The following TGFB1 variants were observed in gnomAD, a reference collection of about 807,000 sequenced individuals.
TGFB1 encodes transforming growth factor beta 1.
A neutral mutation model predicts 43.8 loss-of-function variants in TGFB1; 19 were observed. That is an observed-to-expected ratio of 0.43 (90% confidence interval 0.30 to 0.64). The LOEUF (loss-of-function observed/expected upper bound fraction) is 0.64. Ranked by LOEUF, TGFB1 falls within the 30% of genes least tolerant of loss-of-function variation. The pLI, the probability that TGFB1 is intolerant of heterozygous loss-of-function variation, is 0.11. For missense variants in TGFB1, 445 were observed against 529.8 expected (o/e 0.84, Z 1.57); for synonymous variants, 221 against 236.3 (o/e 0.94, Z 0.60).
chr19:41,339,252 A>G (rs2123092793), intron 5 of TGFB1, among the ~76,000 whole-genome samples: 1 of 151,842 alleles, frequency 6.6e-6, no homozygotes, highest in East Asian at 2.0e-4. Context: ...AGTAGCTGGG[A>G]CTACAGGCAC....
At position 41,352,779 on chromosome 19, in the gene TGFB1, G is replaced by A. The variant is rs371589941; in HGVS notation, c.266C>T (p.Ala89Val). 10 of 1,610,622 alleles carry A rather than the reference G, an allele frequency of 6.2e-6. No individual in the cohort carries two copies. Among genetic ancestry groups the A allele is most frequent in the Admixed American group, 3.3e-5 (2 of 59,784 alleles). ...ALYNSTRDRV[A>V]GESAEPEPEP... The stretch of plus-strand genomic sequence containing the variant: ...GGGCTCCGGTTCTGCACTCTCCCCG[G>A]CCACCCGGTCGCGGGTGCTGTTGTA... The change falls in exon 1 of 7, where the codon GCC becomes GTC. Residue 89 changes from alanine to valine, a missense_variant. Ala to Val is a moderately conservative substitution (Grantham distance 64). This residue lies in a region of TGFB1 where 366 missense variants were observed against 428.8 expected (regional missense o/e 0.85). Transcript: ENST00000221930.
In TGFB1 at chr19:41,348,387, C is replaced by T; in HGVS notation, c.424G>A (p.Glu142Lys). The change falls in exon 2 of 7, where the codon GAA (glutamate) becomes AAA (lysine). Residue 142 changes from glutamate (E) to lysine (K), a missense_variant. By Grantham distance (56) the Glu-to-Lys change is moderately conservative. Transcript: ENST00000221930. ...AGCAACACGGGTTCAGGTACCGCTTCTCGGAGCTCTGATGTGTTGAAGAAC... is the reference window on the plus strand; with the variant it reads ...AGCAACACGGGTTCAGGTACCGCTTTTCGGAGCTCTGATGTGTTGAAGAAC... ...YMFFNTSELR[E>K]AVPEPVLLSR... 1 of 1,613,570 alleles carries T rather than the reference C, an allele frequency of 6.2e-7. No individual in the cohort carries two copies. The highest frequency in any genetic ancestry group is 8.5e-7 in the Non-Finnish European group (1 of 1,179,792).
chr19:41,337,324 A>G (rs1446989544), intron 5 of TGFB1, among the ~76,000 whole-genome samples: 1 of 151,998 alleles, frequency 6.6e-6, no homozygotes, highest in Non-Finnish European at 1.5e-5. Context: ...AATTTTTAGT[A>G]GAGAGGAGGT....
At chr19:41,337,537 A>T (rs1210321985) in intron 5 of TGFB1, among the ~76,000 whole-genome samples, 1 of 152,104 alleles carries the variant, frequency 6.6e-6, no homozygotes, top group African/African-American at 2.4e-5. Flanking sequence ...TCAGCCTCCC[A>T]AAGTGCTGGG....
chr19:41,340,755 C>A (rs1336905088), intron 5 of TGFB1, among the ~76,000 whole-genome samples: 1 of 152,206 alleles, frequency 6.6e-6, no homozygotes, highest in Non-Finnish European at 1.5e-5. Flanking sequence ...GGACTCCAAT[C>A]TGCCAACACT....
At chr19:41,336,280 G>A (rs2037987386) in intron 5 of TGFB1, among the ~76,000 whole-genome samples, 1 of 152,018 alleles carries the variant, frequency 6.6e-6, no homozygotes, top group African/African-American at 2.4e-5. Flanking sequence ...TTACAGGTGT[G>A]AGCCACCGCG....
chr19:41,335,521 C>A (rs1219292364), intron 5 of TGFB1, among the ~76,000 whole-genome samples: 1 of 152,174 alleles, frequency 6.6e-6, no homozygotes, highest in Non-Finnish European at 1.5e-5. Context: ...CAGGTGGCAC[C>A]CCAGGCCACT....
chr19:41,350,542 A>T (rs1196453809), intron 1 of TGFB1, among the ~76,000 whole-genome samples: 1 of 152,062 alleles, frequency 6.6e-6, no homozygotes, highest in Admixed American at 6.6e-5. Flanking sequence ...TCCTGACCTC[A>T]GGTGGTCCAC....
At position 41,352,901 on chromosome 19, in the gene TGFB1, G is replaced by C; in HGVS notation, c.144C>G (p.Ala48=). 2 of 1,560,372 alleles carry C rather than the reference G, an allele frequency of 1.3e-6. No homozygotes were observed. Among genetic ancestry groups the C allele is most frequent in the South Asian group, 2.3e-5 (2 of 85,920 alleles). Residue 48 remains alanine, a synonymous_variant, in exon 1 of 7, where the codon GCC becomes GCG. Coordinates refer to ENST00000221930, the MANE Select transcript of TGFB1 (RefSeq NM_000660.7). The part of the protein sequence containing the change: ...MELVKRKRIE[A]IRGQILSKLR... ...GCTTGGACAGGATCTGGCCGCGGAT[G>C]GCCTCGATGCGCTTCCGCTTCACCA...
chr19:41,338,835 C>CAAA (rs61631301), intron 5 of TGFB1, among the ~76,000 whole-genome samples: 7 of 118,898 alleles, frequency 5.9e-5, no homozygotes, highest in African/African-American at 2.2e-4. Flanking sequence ...ACTCTGTCTC[C>CAAA]AAAAAAAAAA....
intron 2 of TGFB1, among the ~76,000 whole-genome samples, chr19:41,348,009 G>A (rs1040132473): frequency 6.6e-6 from 1 of 151,320 alleles, no homozygotes; most frequent in African/African-American, 2.4e-5. Context: ...GCGCACACCT[G>A]TAATCCCAGC....
At position 41,331,246 on chromosome 19, in the gene TGFB1, G is replaced by C. The variant is rs988360047; in HGVS notation, c.1015-36C>G. The C allele has an allele frequency of 8.8e-6, 13 of 1,474,128 alleles. No homozygotes were observed. In the South Asian group the frequency reaches 1.3e-4, roughly 15 times the overall value. The allele number at this position is 1,474,128 out of a possible 1,614,324, so 91.3% of individuals were successfully genotyped here. ...CGGGCGGGGTCAGGGCTCAGGGCTC[G>C]TGGAGGGAGGAAAACGGCCCTCCAC... On this transcript the variant is annotated intron_variant, in intron 6 of 6. Transcript: ENST00000221930.
rs11466358 is a variant in TGFB1 at position 41,332,170 on chromosome 19, C to T, written c.972G>A (p.Gly324=). ...PKGYHANFCL[G]PCPYIWSLDT... ...CCAGGCTCCAAATGTAGGGGCAGGGCCCGAGGCAGAAGTTGGCATGGTAGC... is the reference window on the plus strand; with the variant it reads ...CCAGGCTCCAAATGTAGGGGCAGGGTCCGAGGCAGAAGTTGGCATGGTAGC... The change falls in exon 6 of 7, where the codon GGG becomes GGA. Residue 324 remains glycine, a synonymous_variant. Coordinates refer to ENST00000221930, the MANE Select transcript of TGFB1 (RefSeq NM_000660.7). The T allele has an allele frequency of 1.9e-4, 299 of 1,614,152 alleles. 1 individual carries two copies. In the African/African-American group the frequency reaches 3.8e-3, roughly 21 times the overall value.
At chr19:41,339,717 A>C (rs11466339) in intron 5 of TGFB1, among the ~76,000 whole-genome samples, 2,131 of 152,054 alleles carry the variant, frequency 0.014, 45 homozygotes, top group African/African-American at 0.045. Context: ...CCAGCTACTC[A>C]GGAGGCTGAG....
intron 5 of TGFB1, among the ~76,000 whole-genome samples, chr19:41,337,226 C>A (rs2037997478): frequency 6.6e-6 from 1 of 152,106 alleles, no homozygotes; most frequent in Admixed American, 6.6e-5. Flanking sequence ...ACTGCAACCT[C>A]CACTTCCTGG....
intron 2 of TGFB1, among the ~76,000 whole-genome samples, chr19:41,346,474 G>A (rs942171053): frequency 4.6e-5 from 7 of 152,180 alleles, no homozygotes; most frequent in Non-Finnish European, 4.4e-5. Context: ...TTCTCTCACT[G>A]TGAAAGTCTG....
intron 5 of TGFB1, among the ~76,000 whole-genome samples, chr19:41,338,659 T>C (rs1459389223): frequency 6.6e-6 from 1 of 151,668 alleles, no homozygotes; most frequent in African/African-American, 2.4e-5. Context: ...GGCAATACGG[T>C]GAAACCCCAT....
chr19:41,342,561 CT>C (rs2038071351), intron 3 of TGFB1, among the ~76,000 whole-genome samples: 1 of 149,672 alleles, frequency 6.7e-6, no homozygotes. Context: ...GTTGCCCAGG[CT>C]GGAGTTCAGT....
chr19:41,336,724 C>T (rs182824258), intron 5 of TGFB1, among the ~76,000 whole-genome samples: 5 of 152,172 alleles, frequency 3.3e-5, no homozygotes, highest in East Asian at 1.9e-4. Context: ...TGCAATCCAC[C>T]GTGTTGCTTC....
Sources: gnomAD v4.1 joint callset for allele counts (sites outside exome capture counted in the v4.1 genomes callset) on GRCh38, gnomAD v4.1.1 for gene constraint, gnomAD v4.1.1 regional missense constraint, MANE v1.5 for transcripts, NCBI Gene and HGNC (gene_info 2026-07-23, HGNC 2026-07-21) for gene names.